Variants in PTPRK observed in about 807,000 individuals in gnomAD.
The protein encoded by PTPRK is protein tyrosine phosphatase receptor type K.
In PTPRK, 75 loss-of-function variants were observed where a neutral mutation model predicts 178.0. The observed-to-expected ratio is 0.42, with a 90% CI of 0.35 to 0.51. PTPRK has a LOEUF of 0.51. Among genes scored for constraint, PTPRK ranks in the 20% least tolerant of loss-of-function variants. PTPRK has a pLI of 0.02. For missense variants in PTPRK, 1,441 were observed against 1,797.8 expected (o/e 0.80, Z 3.59); for synonymous variants, 637 against 620.6 (o/e 1.03, Z -0.39).
intron 11 of PTPRK, among the ~76,000 whole-genome samples, chr6:128,068,898 A>C (rs1343671816): frequency 6.6e-6 from 1 of 151,806 alleles, no homozygotes; most frequent in Non-Finnish European, 1.5e-5. Flanking sequence ...ATTCTTTAAA[A>C]GACTTCCATG....
chr6:128,416,642 C>A, intron 1 of PTPRK, among the ~76,000 whole-genome samples: 3 of 142,040 alleles, frequency 2.1e-5, no homozygotes, highest in Non-Finnish European at 1.5e-5. Flanking sequence ...AGCCAGACTC[C>A]ATCTTAAAAA....
In PTPRK at chr6:128,233,909, C is replaced by A. The variant is rs186023164; in HGVS notation, c.693+6126G>T. Among the ~76,000 whole-genome samples, 10 of 152,304 alleles carry A rather than the reference C, an allele frequency of 6.6e-5. No homozygotes were observed. In the East Asian group the frequency reaches 1.9e-3, roughly 29 times the overall value. On this transcript the variant is annotated intron_variant, in intron 5 of 29. Transcript: ENST00000368226. ...TCTCTGCCCAATTCAATGATGCAGG[C>A]CTGCCAAGCGCTGTAATGATGGATG... is the stretch of plus-strand genomic sequence containing the variant.
intron 2 of PTPRK, among the ~76,000 whole-genome samples, chr6:128,344,522 C>T (rs1375553000): frequency 6.6e-6 from 1 of 151,990 alleles, no homozygotes; most frequent in African/African-American, 2.4e-5. Context: ...CCCCTCCAAT[C>T]ACTCCTCGTG....
intron 13 of PTPRK, among the ~76,000 whole-genome samples, chr6:128,041,350 T>G (rs867957434): frequency 6.6e-6 from 1 of 152,176 alleles, no homozygotes; most frequent in Middle Eastern, 3.4e-3. Flanking sequence ...GTAATCCACA[T>G]TTCATTAAAA....
intron 3 of PTPRK, among the ~76,000 whole-genome samples, chr6:128,249,539 G>A (rs982768757): frequency 6.6e-6 from 1 of 152,078 alleles, no homozygotes; most frequent in African/African-American, 2.4e-5. Context: ...TATAGTAGAA[G>A]AAGATAGGTT....
intron 3 of PTPRK, among the ~76,000 whole-genome samples, chr6:128,292,642 C>T (rs1410432412): frequency 6.6e-6 from 1 of 152,048 alleles, no homozygotes; most frequent in African/African-American, 2.4e-5. Flanking sequence ...CCTTCCTCCT[C>T]TTTTCCTAAA....
intron 2 of PTPRK, among the ~76,000 whole-genome samples, chr6:128,353,886 T>C (rs989740985): frequency 4.6e-5 from 7 of 152,200 alleles, no homozygotes; most frequent in Non-Finnish European, 1.0e-4. Context: ...TGGTAAATTC[T>C]GAATAAGATC....
chr6:128,220,820 G>A (rs1386251027), intron 5 of PTPRK, among the ~76,000 whole-genome samples: 1 of 152,156 alleles, frequency 6.6e-6, no homozygotes, highest in African/African-American at 2.4e-5. Context: ...AGTTAAACTA[G>A]GCAAGGAAAA....
Position 128,090,061 on chromosome 6 carries a change from C to A in PTPRK, c.1163-69G>T, listed in dbSNP as rs186713598. On this transcript the variant is annotated intron_variant, in intron 7 of 29. Coordinates refer to ENST00000368226, the MANE Select transcript of PTPRK (RefSeq NM_002844.4). ...TGAATAATCCTGGAAAAATAAAACA[C>A]CAAGTATAATATAGCATATGCAAAT... 980 of 1,266,558 alleles carry A rather than the reference C, an allele frequency of 7.7e-4. 7 individuals carry two copies. The African/African-American group carries it at 0.013, about 17-fold the overall frequency. 78.5% of individuals were successfully genotyped at this position (1,266,558 alleles called of 1,614,324 possible).
Position 128,184,722 on chromosome 6 carries a change from G to A in PTPRK, c.872C>T (p.Pro291Leu), listed in dbSNP as rs763818255. The change falls in exon 7 of 30, where the codon CCG becomes CTG. Residue 291 changes from proline (P) to leucine (L), a missense_variant. Around this residue, in one of 4 missense-constraint regions of PTPRK, gnomAD observed 945 missense variants for 1,080.6 expected, o/e 0.87. Coordinates refer to ENST00000368226, the MANE Select transcript of PTPRK (RefSeq NM_002844.4). Reference sequence around the variant, plus strand: ...CTGAGGAGGAGCAATGGGTCTTGGCGGTTCTAGGAGAGATGAGTGTGCACT... The same window carrying A: ...CTGAGGAGGAGCAATGGGTCTTGGCAGTTCTAGGAGAGATGAGTGTGCACT... The part of the protein sequence containing the change: ...SNFAQLIVRE[P>L]PRPIAPPQLL... The A allele has an allele frequency of 7.4e-6, 12 of 1,612,394 alleles. No homozygotes were observed. The highest frequency in any genetic ancestry group is 5.3e-5 in the African/African-American group (4 of 74,802).
chr6:127,981,400 G>A, intron 24 of PTPRK, 111 bp from the exon 25 acceptor site: 1 of 910,828 alleles, frequency 1.1e-6, no homozygotes, highest in South Asian at 1.9e-5. Flanking sequence ...ATTTGTGCGA[G>A]GCAATGGCAT....
chr6:128,078,735 G>A (rs1353473765), intron 11 of PTPRK, 78 bp downstream of exon 11: 39 of 996,596 alleles, frequency 3.9e-5, no homozygotes, highest in Non-Finnish European at 4.1e-5. Context: ...TATCATCTCT[G>A]GTTTTAGGCA....
In PTPRK at chr6:128,463,913, G is replaced by A. The variant is rs527270558; in HGVS notation, c.100+56346C>T. ...ATTACAGGTGCCTGCCACCACACCC[G>A]GGTAATTTTTGTATTTTTTTTTAGT... is the stretch of plus-strand genomic sequence containing the variant. On this transcript the variant is annotated intron_variant, in intron 1 of 29. Transcript: ENST00000368226. 3.8e-3 allele frequency among the ~76,000 whole-genome samples: 580 copies of A among 151,596 alleles called. 2 individuals carry two copies. Among genetic ancestry groups the A allele is most frequent in the African/African-American group, 0.013 (551 of 41,328 alleles).
intron 1 of PTPRK, among the ~76,000 whole-genome samples, chr6:128,415,279 A>C (rs532704090): frequency 6.6e-6 from 1 of 152,298 alleles, no homozygotes; most frequent in East Asian, 1.9e-4. Context: ...GAAAGAAAAA[A>C]ATGTTTTTCT....
Position 128,194,169 on chromosome 6 carries a change from T to G in PTPRK, c.869-9444A>C, listed in dbSNP as rs372168728. The stretch of plus-strand genomic sequence containing the variant: ...GGCATGATCTCAGCTCACTGCAAGC[T>G]CCACCTCCTGGGTTCATGCCATTCT... On this transcript the variant is annotated intron_variant, in intron 6 of 29. Coordinates refer to ENST00000368226, the MANE Select transcript of PTPRK (RefSeq NM_002844.4). Among the ~76,000 whole-genome samples, 103 of 151,166 alleles carry G rather than the reference T, an allele frequency of 6.8e-4. No homozygotes were observed. The South Asian group carries it at 0.013, about 20-fold the overall frequency.
intron 1 of PTPRK, among the ~76,000 whole-genome samples, chr6:128,399,019 A>G (rs1375859849): frequency 6.6e-6 from 1 of 152,306 alleles, no homozygotes; most frequent in South Asian, 2.1e-4. Flanking sequence ...AAGAAAATGC[A>G]TTAGAACTAA....
intron 2 of PTPRK, among the ~76,000 whole-genome samples, chr6:128,355,212 GAAC>G (rs1173691861): frequency 6.6e-6 from 1 of 152,160 alleles, no homozygotes; most frequent in Non-Finnish European, 1.5e-5. Context: ...CTTACATGCA[GAAC>G]AACTGAGTTC....
chr6:128,281,491 TAA>T (rs1821667796), intron 3 of PTPRK, among the ~76,000 whole-genome samples: 1 of 152,170 alleles, frequency 6.6e-6, no homozygotes, highest in Non-Finnish European at 1.5e-5. Flanking sequence ...TTTAAGTTGA[TAA>T]GTTAGTTTTC....
rs137945954 is a variant in PTPRK, at chr6:128,164,020, T to G, written c.1162+20412A>C. On this transcript the variant is annotated intron_variant, in intron 7 of 29. Transcript: ENST00000368226. Reference sequence around the variant, plus strand: ...GTAAGAATTCTCATTTTAGAAGAATTCTTTCAAGTCCTCTCCATTATCTTC... The same window carrying G: ...GTAAGAATTCTCATTTTAGAAGAATGCTTTCAAGTCCTCTCCATTATCTTC... 8.4e-4 allele frequency among the ~76,000 whole-genome samples: 127 copies of G among 151,558 alleles called. 1 individual carries two copies. Among genetic ancestry groups the G allele is most frequent in the African/African-American group, 3.0e-3 (124 of 41,516 alleles).
Sources: allele counts gnomAD v4.1 joint callset (sites outside exome capture counted in the v4.1 genomes callset), GRCh38; gene constraint gnomAD v4.1.1; regional missense constraint gnomAD v4.1.1; transcripts MANE v1.5; gene names NCBI Gene and HGNC (gene_info 2026-07-23, HGNC 2026-07-21).